LARGE1: variants seen among roughly 807,000 people sequenced by gnomAD.
LARGE1 encodes LARGE xylosyl- and glucuronyltransferase 1, also known as xylosyl- and glucuronyltransferase LARGE1.
In LARGE1, 43 loss-of-function variants were observed where a neutral mutation model predicts 87.6. The ratio of observed to expected loss-of-function variants is 0.49; its 90% CI spans 0.38 to 0.63. LARGE1 has a LOEUF of 0.63. LARGE1 is among the 30% of genes least tolerant of loss of function. The pLI is 0.00. For missense variants in LARGE1, 802 were observed against 1,000.2 expected (o/e 0.80, Z 2.67); for synonymous variants, 434 against 394.6 (o/e 1.10, Z -1.18).
the LARGE1 span, among the ~76,000 whole-genome samples, chr22:33,118,607 T>A: frequency 6.6e-6 from 1 of 151,868 alleles, no homozygotes; most frequent in Non-Finnish European, 1.5e-5. Flanking sequence ...TGGCTGAGTG[T>A]TGATTCTTTT....
In LARGE1 at chr22:33,650,369, C is replaced by T. The variant is rs1470657788; in HGVS notation, c.406G>A (p.Glu136Lys). Residue 136 changes from glutamate (E) to lysine (K), a missense_variant and splice_region_variant, in exon 3 of 15, where the codon GAG becomes AAG. Coordinates refer to ENST00000397394, the MANE Select transcript of LARGE1 (RefSeq NM_133642.5). ...CGQQPVVEKC[E>K]TIHVAIVCAG... The stretch of plus-strand genomic sequence containing the variant: ...CCCAGGCTCCAGATGCCCTTTACCT[C>T]GCATTTCTCCACGACCGGCTGCTGC... 1 of 1,614,058 alleles carries T rather than the reference C, an allele frequency of 6.2e-7. No individual in the cohort carries two copies. Among genetic ancestry groups the T allele is most frequent in the Non-Finnish European group, 8.5e-7 (1 of 1,180,014 alleles).
At chr22:33,373,932 C>A (rs910699518) in intron 9 of LARGE1, among the ~76,000 whole-genome samples, 1 of 137,598 alleles carries the variant, frequency 7.3e-6, no homozygotes, top group African/African-American at 2.9e-5. Flanking sequence ...CGATATCGCG[C>A]CATTGCACTC....
intron 2 of LARGE1, among the ~76,000 whole-genome samples, chr22:33,691,391 A>C (rs1193198253): frequency 1.3e-5 from 2 of 152,160 alleles, no homozygotes; most frequent in East Asian, 3.9e-4. Flanking sequence ...CTAACACTAC[A>C]AGCCATGCAC....
intron 11 of LARGE1, among the ~76,000 whole-genome samples, chr22:33,223,522 A>G (rs1045712103): frequency 7.9e-5 from 12 of 152,302 alleles, no homozygotes; most frequent in African/African-American, 2.6e-4. Context: ...CTAAGATGAG[A>G]ATGACGCCCT....
rs1261256492 is a variant in LARGE1, at chr22:33,723,533, G to GAC, written c.106+37836_106+37837dup. Among the ~76,000 whole-genome samples, 5 of 152,090 alleles carry GAC rather than the reference G, an allele frequency of 3.3e-5. No homozygotes were observed. In the East Asian group the frequency reaches 9.6e-4, roughly 29 times the overall value. On this transcript the variant is annotated intron_variant, in intron 2 of 14. Transcript: ENST00000397394. ...GCTGATTCCAAAAACCTTACACACAGACACACACACTGATATCAGGCGGAT... is the reference window on the plus strand; with the variant it reads ...GCTGATTCCAAAAACCTTACACACAGACACACACACACTGATATCAGGCGGAT...
At chr22:33,649,770 G>A (rs775322951) in intron 3 of LARGE1, among the ~76,000 whole-genome samples, 9 of 152,208 alleles carry the variant, frequency 5.9e-5, no homozygotes, top group Admixed American at 2.6e-4. Flanking sequence ...ACATAGAAGC[G>A]TGGATGCAGG....
At chr22:33,391,155 A>G (rs1049135546) in intron 7 of LARGE1, among the ~76,000 whole-genome samples, 2 of 152,168 alleles carry the variant, frequency 1.3e-5, no homozygotes, top group African/African-American at 4.8e-5. Flanking sequence ...CCTATAACCA[A>G]TATCCTCACA....
chr22:33,837,314 A>G (rs1302239984), intron 1 of LARGE1, among the ~76,000 whole-genome samples: 2 of 151,308 alleles, frequency 1.3e-5, no homozygotes, highest in Non-Finnish European at 2.9e-5. Context: ...ACATATGGAT[A>G]CGAACAGGAT....
intron 1 of LARGE1, among the ~76,000 whole-genome samples, chr22:33,838,852 G>T (rs2063186769): frequency 6.6e-6 from 1 of 151,888 alleles, no homozygotes; most frequent in African/African-American, 2.4e-5. Flanking sequence ...TACCCGTGAC[G>T]GCTCTCCACG....
chr22:33,317,637 T>C (rs1402467139), intron 10 of LARGE1, among the ~76,000 whole-genome samples: 1 of 152,228 alleles, frequency 6.6e-6, no homozygotes, highest in African/African-American at 2.4e-5. Context: ...ATTTCAGATA[T>C]GCAGAGGCAG....
intron 1 of LARGE1, among the ~76,000 whole-genome samples, chr22:33,847,091 C>T (rs574144742): frequency 7.2e-5 from 11 of 152,244 alleles, no homozygotes; most frequent in Non-Finnish European, 1.0e-4. Flanking sequence ...CGGAACCTAC[C>T]GACATGTGAT....
chr22:33,482,362 C>A (rs1042807780), intron 6 of LARGE1, among the ~76,000 whole-genome samples: 1 of 152,120 alleles, frequency 6.6e-6, no homozygotes, highest in Non-Finnish European at 1.5e-5. Context: ...ACACATTTAT[C>A]GGGCATTAAG....
At chr22:33,323,583 G>A (rs1034741505) in intron 10 of LARGE1, among the ~76,000 whole-genome samples, 1 of 152,020 alleles carries the variant, frequency 6.6e-6, no homozygotes, top group African/African-American at 2.4e-5. Context: ...TTCCATGAAC[G>A]AAGCAGGCCA....
intron 2 of LARGE1, among the ~76,000 whole-genome samples, chr22:33,676,494 T>C (rs1285462603): frequency 1.8e-5 from 2 of 109,078 alleles, no homozygotes; most frequent in Non-Finnish European, 3.8e-5. Context: ...AAAGCCAAAA[T>C]ACATATCAAA....
chr22:33,504,808 A>G (rs902569289), intron 6 of LARGE1, among the ~76,000 whole-genome samples: 4 of 152,390 alleles, frequency 2.6e-5, no homozygotes, highest in South Asian at 2.1e-4. Flanking sequence ...TTTAAAAAAA[A>G]TAACATAGTA....
intron 1 of LARGE1, among the ~76,000 whole-genome samples, chr22:33,905,394 T>C (rs1300620278): frequency 6.6e-6 from 1 of 152,118 alleles, no homozygotes; most frequent in Non-Finnish European, 1.5e-5. Context: ...TTTGAAAAAC[T>C]TGTACTGCCG....
intron 2 of LARGE1, among the ~76,000 whole-genome samples, chr22:33,734,505 G>T (rs1432483451): frequency 6.6e-6 from 1 of 152,192 alleles, no homozygotes; most frequent in Admixed American, 6.5e-5. Flanking sequence ...AGAGACCACT[G>T]AAGAGTTTTA....
At chr22:33,233,299 T>TGAG (rs1926100655) in intron 11 of LARGE1, among the ~76,000 whole-genome samples, 1 of 152,084 alleles carries the variant, frequency 6.6e-6, no homozygotes, top group African/African-American at 2.4e-5. Context: ...ATGATGATGA[T>TGAG]GATAATGATG....
At chr22:33,295,981 A>G (rs1288140280) in intron 12 of LARGE1, among the ~76,000 whole-genome samples, 1 of 152,232 alleles carries the variant, frequency 6.6e-6, no homozygotes, top group Non-Finnish European at 1.5e-5. Flanking sequence ...TTTTACAAAT[A>G]AAAAGTAGTA....
Sources: gnomAD v4.1 joint callset for allele counts (sites outside exome capture counted in the v4.1 genomes callset) on GRCh38, gnomAD v4.1.1 for gene constraint, MANE v1.5 for transcripts, NCBI Gene and HGNC (gene_info 2026-07-23, HGNC 2026-07-21) for gene names.